Variants in ZNF827 observed in about 807,000 individuals in gnomAD.
ZNF827 encodes the protein zinc finger protein 827.
ZNF827 carries 13 observed loss-of-function variants against 102.4 expected under a neutral mutation model. The observed-to-expected ratio is 0.13, with a 90% confidence interval of 0.08 to 0.20. The LOEUF (loss-of-function observed/expected upper bound fraction) is 0.20, where lower values mean the gene tolerates loss of function less well. Among genes scored for constraint, ZNF827 ranks in the 10% least tolerant of loss-of-function variants. ZNF827 has a pLI of 1.00. For synonymous variants in ZNF827, 523 were observed against 536.2 expected (o/e 0.98, Z 0.34); for missense variants, 1,103 against 1,344.4 (o/e 0.82, Z 2.81).
intron 13 of ZNF827, chr4:145,764,611 A>T (rs974939808): frequency 9.1e-6 from 2 of 220,102 alleles, no homozygotes; most frequent in Non-Finnish European, 1.8e-5. Context: ...TCGGAAAAAC[A>T]GAGAAGGTGA....
intron 7 of ZNF827, among the ~76,000 whole-genome samples, chr4:145,826,243 T>C (rs546959158): frequency 1.3e-5 from 2 of 152,332 alleles, no homozygotes; most frequent in Non-Finnish European, 2.9e-5. Context: ...TAGCCTCAGT[T>C]TCGTCACTGA....
rs535075731 is a variant in ZNF827 at position 145,776,429 on chromosome 4, C to A, written c.2522-469G>T. ...TGAACCACAATCACATCACTGCACTCCAGCCTGGGTGACGGAGATAAACCT... is the reference window on the plus strand; with the variant it reads ...TGAACCACAATCACATCACTGCACTACAGCCTGGGTGACGGAGATAAACCT... On this transcript the variant is annotated intron_variant, in intron 9 of 14. Coordinates refer to ENST00000508784, the MANE Select transcript of ZNF827 (RefSeq NM_001306215.2). Among the ~76,000 whole-genome samples, 6 of 151,550 alleles carry A rather than the reference C, an allele frequency of 4.0e-5. No homozygotes were observed. In the South Asian group the frequency reaches 1.3e-3, roughly 32 times the overall value.
intron 1 of ZNF827, among the ~76,000 whole-genome samples, chr4:145,936,104 AC>A (rs1394738879): frequency 6.6e-6 from 1 of 152,168 alleles, no homozygotes. Context: ...CGCAGAGAAC[AC>A]TGAAGCCCAT....
intron 1 of ZNF827, among the ~76,000 whole-genome samples, chr4:145,909,441 A>T (rs1752109549): frequency 6.6e-6 from 1 of 152,220 alleles, no homozygotes; most frequent in African/African-American, 2.4e-5. Flanking sequence ...TCTTCCTCTC[A>T]GGCCACTTTT....
chr4:145,810,487 C>T (rs1397337679), intron 8 of ZNF827, among the ~76,000 whole-genome samples: 1 of 152,100 alleles, frequency 6.6e-6, no homozygotes, highest in Non-Finnish European at 1.5e-5. Context: ...AGGATATAAA[C>T]TCAAAAATAA....
chr4:145,874,274 A>T (rs1313447988), intron 4 of ZNF827, among the ~76,000 whole-genome samples: 1 of 152,258 alleles, frequency 6.6e-6, no homozygotes, highest in Non-Finnish European at 1.5e-5. Flanking sequence ...AAGGCACTAC[A>T]TACCTGGTTT....
At chr4:145,803,348 A>G (rs1012466320) in intron 8 of ZNF827, among the ~76,000 whole-genome samples, 1 of 152,200 alleles carries the variant, frequency 6.6e-6, no homozygotes, top group Non-Finnish European at 1.5e-5. Context: ...TTCCTTCTTT[A>G]GAGATCTCTT....
chr4:145,849,680 G>A (rs529820396), intron 5 of ZNF827, 119 bp from the exon 6 acceptor site: 107 of 1,457,738 alleles, frequency 7.3e-5, no homozygotes, highest in Middle Eastern at 2.5e-4. Flanking sequence ...AAAAATGAGC[G>A]TGCACGGCAC....
At chr4:145,885,610 C>G (rs917219677) in intron 4 of ZNF827, 68 bp downstream of exon 4, 80 of 1,174,798 alleles carry the variant, frequency 6.8e-5, no homozygotes, top group African/African-American at 2.8e-4. Context: ...TAGACAGAGA[C>G]AGAGAGAGAG....
intron 1 of ZNF827, among the ~76,000 whole-genome samples, chr4:145,906,080 T>C: frequency 6.6e-6 from 1 of 152,176 alleles, no homozygotes; most frequent in Admixed American, 6.5e-5. Flanking sequence ...GACTATTAAA[T>C]ACGTTAAGTA....
At chr4:145,884,950 G>A (rs886639152) in intron 4 of ZNF827, among the ~76,000 whole-genome samples, 1 of 152,060 alleles carries the variant, frequency 6.6e-6, no homozygotes, top group Non-Finnish European at 1.5e-5. Flanking sequence ...CAGGGCCTGT[G>A]GGGGAAGAGG....
chr4:145,876,216 C>T (rs1025134193), intron 4 of ZNF827, among the ~76,000 whole-genome samples: 3 of 152,206 alleles, frequency 2.0e-5, no homozygotes, highest in African/African-American at 7.2e-5. Flanking sequence ...GTTTCTCAAC[C>T]TCCACTCCAC....
In ZNF827 at chr4:145,758,958, C is replaced by G. The variant is rs1448391918; in HGVS notation, c.*2658G>C. ...TACAGTCTTCTGGCTTCCTGTAGAACTGTACTAATTTCCAGGGAGCTTTCA... is the reference window on the plus strand; with the variant it reads ...TACAGTCTTCTGGCTTCCTGTAGAAGTGTACTAATTTCCAGGGAGCTTTCA... On this transcript the variant is annotated 3_prime_UTR_variant, in exon 15 of 15. Transcript: ENST00000508784. 3 of 152,198 alleles carry G rather than the reference C, an allele frequency of 2.0e-5. No homozygotes were observed. Among genetic ancestry groups the G allele is most frequent in the Non-Finnish European group, 4.4e-5 (3 of 68,048 alleles). The allele number at this position is 152,198 out of a possible 1,614,324, so 9.4% of individuals were successfully genotyped here. A position where few individuals can be genotyped will look rare whatever the true frequency, so the allele number is the denominator to read the frequency against.
At chr4:145,774,444 C>T in intron 11 of ZNF827, 62 bp downstream of exon 11, 1 of 1,547,698 alleles carries the variant, frequency 6.5e-7, no homozygotes, top group African/African-American at 1.4e-5. Context: ...GGCCAGGTGG[C>T]AGGTGCTCTG....
intron 4 of ZNF827, among the ~76,000 whole-genome samples, chr4:145,883,492 C>T (rs1749850790): frequency 6.6e-6 from 1 of 152,156 alleles, no homozygotes; most frequent in Non-Finnish European, 1.5e-5. Context: ...GTGTCTGCTG[C>T]TTGCAGTGCT....
At chr4:145,799,812 G>A (rs775288214) in intron 8 of ZNF827, among the ~76,000 whole-genome samples, 1 of 152,212 alleles carries the variant, frequency 6.6e-6, no homozygotes, top group Non-Finnish European at 1.5e-5. Flanking sequence ...TCTTTAGGAT[G>A]TGGATGTGAT....
At chr4:145,862,101 C>A (rs563533351) in intron 5 of ZNF827, among the ~76,000 whole-genome samples, 5 of 152,098 alleles carry the variant, frequency 3.3e-5, no homozygotes, top group Non-Finnish European at 7.4e-5. Flanking sequence ...TTCAGGTGTA[C>A]GGGTTTGAGG....
At position 145,768,916 on chromosome 4, in the gene ZNF827, T is replaced by TAAAA. The variant is rs34051922; in HGVS notation, c.2861-3179_2861-3178insTTTT. Among the ~76,000 whole-genome samples, 163 of 34,422 alleles carry TAAAA rather than the reference T, an allele frequency of 4.7e-3. 40 individuals are homozygous for TAAAA. Among genetic ancestry groups the TAAAA allele is most frequent in the Middle Eastern group, 0.053 (2 of 38 alleles). The allele number at this position is 34,422 out of a possible 152,430, so 22.6% of individuals were successfully genotyped here. ...ATATATATATATATATATATATATA[T>TAAAA]TAGGTATACAAAGTTTGGAAATAGA... On this transcript the variant is annotated intron_variant, in intron 11 of 14. Coordinates refer to ENST00000508784, the MANE Select transcript of ZNF827 (RefSeq NM_001306215.2).
chr4:145,878,541 C>T (rs144036615), intron 4 of ZNF827, among the ~76,000 whole-genome samples: 157 of 142,602 alleles, frequency 1.1e-3, no homozygotes, highest in African/African-American at 4.0e-3. Context: ...GACCTCATCT[C>T]GAAAGAAAAA....
Sources: allele counts gnomAD v4.1 joint callset (sites outside exome capture counted in the v4.1 genomes callset), GRCh38; gene constraint gnomAD v4.1.1; transcripts MANE v1.5; gene names NCBI Gene and HGNC (gene_info 2026-07-23, HGNC 2026-07-21).